MED30: variants seen among roughly 807,000 people sequenced by gnomAD.
MED30 encodes mediator of RNA polymerase II transcription subunit 30.
In MED30, 8 loss-of-function variants were observed where a neutral mutation model predicts 21.7. That is an observed-to-expected ratio of 0.37 (90% CI 0.22 to 0.67). The LOEUF (loss-of-function observed/expected upper bound fraction) is 0.67. MED30 is among the 30% of genes least tolerant of loss of function. MED30 has a pLI of 0.58. For missense variants in MED30, 203 were observed against 228.2 expected (o/e 0.89, Z 0.71); for synonymous variants, 79 against 86.7 (o/e 0.91, Z 0.49).
Position 117,528,792 on chromosome 8 carries a change from G to C in MED30, c.319G>C (p.Asp107His), listed in dbSNP as rs34260483. 4,257 of 1,602,868 alleles carry C rather than the reference G, an allele frequency of 2.7e-3. 12 individuals carry two copies. Among genetic ancestry groups the C allele is most frequent in the Non-Finnish European group, 3.2e-3 (3,804 of 1,175,628 alleles). ...DKCNENCGGMDPIPVEQLIPY... is the reference protein window; with the variant it reads ...DKCNENCGGMHPIPVEQLIPY... ...ATGCAATGAAAACTGTGGTGGGATG[G>C]ATCCCATTCCAGTCGAGGTAATTTT... The change falls in exon 2 of 4, where the codon GAT becomes CAT. Residue 107 changes from aspartate (D) to histidine (H), a missense_variant. Asp to His is a moderately conservative substitution (Grantham distance 81). Coordinates refer to ENST00000297347, the MANE Select transcript of MED30 (RefSeq NM_080651.4).
chr8:117,535,864 T>C (rs1818871151), intron 3 of MED30, among the ~76,000 whole-genome samples: 1 of 152,140 alleles, frequency 6.6e-6, no homozygotes, highest in Non-Finnish European at 1.5e-5. Context: ...CCTATTATGG[T>C]ATGGAGTATA....
chr8:117,529,564 G>A (rs959202072), intron 2 of MED30, among the ~76,000 whole-genome samples: 3 of 151,972 alleles, frequency 2.0e-5, no homozygotes, highest in African/African-American at 7.2e-5. Context: ...TGAAATGATA[G>A]CAGCGTGAAG....
Position 117,528,667 on chromosome 8 carries a change from C to T in MED30, c.194C>T (p.Thr65Ile). 6.3e-7 allele frequency: 1 copy of T among 1,587,858 alleles called. No individual in the cohort carries two copies. Among genetic ancestry groups the T allele is most frequent in the Non-Finnish European group, 8.5e-7 (1 of 1,170,506 alleles). ...CCTGATAAGCTGCCAAATGGTGTCA[C>T]TTACCACACTGGAACATATCAAGAC... Reference protein sequence around the residue: ...LRNMQLPNGVTYHTGTYQDRL... With the variant: ...LRNMQLPNGVIYHTGTYQDRL... Residue 65 changes from threonine (T) to isoleucine (I), a missense_variant, in exon 2 of 4, where the codon ACT becomes ATT. By Grantham distance (89) the Thr-to-Ile change is moderately conservative. Transcript: ENST00000297347.
At chr8:117,536,016 T>G (rs1277394354) in intron 3 of MED30, among the ~76,000 whole-genome samples, 1 of 152,206 alleles carries the variant, frequency 6.6e-6, no homozygotes, top group Non-Finnish European at 1.5e-5. Flanking sequence ...TTGTAGGTTT[T>G]GGGAGAAGCT....
intron 1 of MED30, among the ~76,000 whole-genome samples, chr8:117,524,815 C>T (rs933052146): frequency 8.5e-5 from 13 of 152,054 alleles, no homozygotes; most frequent in African/African-American, 2.7e-4. Context: ...GTTTCATTTT[C>T]GCCTTTTTTG....
chr8:117,524,916 T>C (rs1035493294), intron 1 of MED30, among the ~76,000 whole-genome samples: 12 of 152,192 alleles, frequency 7.9e-5, no homozygotes, highest in Non-Finnish European at 1.5e-4. Flanking sequence ...ATACAGAAAA[T>C]ACTCCCTTAT....
intron 3 of MED30, among the ~76,000 whole-genome samples, chr8:117,537,279 T>C (rs973418638): frequency 6.6e-6 from 1 of 152,214 alleles, no homozygotes; most frequent in Non-Finnish European, 1.5e-5. Flanking sequence ...ATGTACAAAA[T>C]TGGGCACAGC....
chr8:117,523,572 G>A, intron 1 of MED30: 1 of 1,601,886 alleles, frequency 6.2e-7, no homozygotes, highest in Non-Finnish European at 8.5e-7. Flanking sequence ...AATGTCTCCA[G>A]GCAAACTGTT....
rs186506589 is a variant in MED30 at position 117,540,082 on chromosome 8, A to G, written c.*104A>G. ...TTATTTATCTGCTTTTATTTTAGTC[A>G]CTAAAACTAAAGTTTTTATTTTTAC... On this transcript the variant is annotated 3_prime_UTR_variant, in exon 4 of 4. Transcript: ENST00000297347. 2.4e-4 allele frequency: 131 copies of G among 553,258 alleles called. No individual in the cohort carries two copies. The East Asian group carries it at 4.2e-3, about 18-fold the overall frequency. 34.3% of individuals were successfully genotyped at this position (553,258 alleles called of 1,614,324 possible).
At chr8:117,537,968 C>T (rs1818909820) in intron 3 of MED30, among the ~76,000 whole-genome samples, 1 of 152,156 alleles carries the variant, frequency 6.6e-6, no homozygotes. Flanking sequence ...AGATTGCCAG[C>T]CTCCCAATAT....
In MED30 at chr8:117,520,787, C is replaced by T; in HGVS notation, c.-90C>T. On this transcript the variant is annotated 5_prime_UTR_variant, in exon 1 of 4. Transcript: ENST00000297347. ...CCGCGGGGGGTCTCTCAAGCTGGTT[C>T]CAACGCTGAGGCCCCACAGCCTCCC... 7.5e-7 allele frequency: 1 copy of T among 1,336,904 alleles called. No homozygotes were observed. The highest frequency in any genetic ancestry group is 9.9e-7 in the Non-Finnish European group (1 of 1,005,716). The allele number at this position is 1,336,904 out of a possible 1,614,324, so 82.8% of individuals were successfully genotyped here.
intron 3 of MED30, among the ~76,000 whole-genome samples, chr8:117,532,687 A>G (rs979985811): frequency 1.1e-4 from 17 of 152,120 alleles, no homozygotes; most frequent in African/African-American, 3.1e-4. Context: ...AAGGAAAAAG[A>G]TGGATAGATT....
In MED30 at chr8:117,520,902, C is replaced by T. The variant is rs1277415365; in HGVS notation, c.26C>T (p.Ser9Leu). 1 of 1,606,392 alleles carries T rather than the reference C, an allele frequency of 6.2e-7. No homozygotes were observed. The highest frequency in any genetic ancestry group is 8.5e-7 in the Non-Finnish European group (1 of 1,176,822). MSTPPLAA[S>L]GMAPGPFAGP... ...ATGTCCACCCCTCCGTTGGCCGCGT[C>T]GGGGATGGCGCCCGGGCCCTTCGCC... Residue 9 changes from serine (S) to leucine (L), a missense_variant, in exon 1 of 4, where the codon TCG becomes TTG. Ser to Leu is a moderately radical substitution (Grantham distance 145). Transcript: ENST00000297347.
chr8:117,534,850 G>GTTTTTTTT (rs3040827), intron 3 of MED30, among the ~76,000 whole-genome samples: 2,136 of 120,896 alleles, frequency 0.018, 56 homozygotes, highest in African/African-American at 0.032. Context: ...CAAACAAATT[G>GTTTTTTTT]TTTTTTTTTT....
intron 2 of MED30, among the ~76,000 whole-genome samples, chr8:117,529,277 C>T (rs1666876716): frequency 6.6e-6 from 1 of 151,796 alleles, no homozygotes; most frequent in South Asian, 2.1e-4. Flanking sequence ...AATCTTGGGT[C>T]ATACCTATTT....
At chr8:117,539,247 A>T (rs1298125410) in intron 3 of MED30, among the ~76,000 whole-genome samples, 1 of 152,204 alleles carries the variant, frequency 6.6e-6, no homozygotes, top group Non-Finnish European at 1.5e-5. Context: ...TAATCCCAGC[A>T]CTTTGGGAGG....
intron 1 of MED30, chr8:117,523,641 C>T: frequency 6.3e-7 from 1 of 1,598,094 alleles, no homozygotes; most frequent in Non-Finnish European, 8.6e-7. Flanking sequence ...GAAGGTTGGA[C>T]ACATTCTTGT....
intron 3 of MED30, 144 bp downstream of exon 3, chr8:117,530,971 C>A: frequency 1.6e-6 from 1 of 627,634 alleles, no homozygotes; most frequent in Non-Finnish European, 2.7e-6. Context: ...TAGAATACAG[C>A]CAAGAAATGA....
In MED30 at chr8:117,528,811, T is replaced by C; in HGVS notation, c.336+2T>C. The C allele has an allele frequency of 6.3e-7, 1 of 1,593,002 alleles. No individual in the cohort carries two copies. Among genetic ancestry groups the C allele is most frequent in the South Asian group, 1.1e-5 (1 of 87,656 alleles). ...GGGATGGATCCCATTCCAGTCGAGG[T>C]AATTTTTTGTGATAGAGGGAGGATG... On this transcript the variant is annotated splice_donor_variant, in intron 2 of 3. Coordinates refer to ENST00000297347, the MANE Select transcript of MED30 (RefSeq NM_080651.4). LOFTEE classifies it high-confidence loss of function.
Sources: allele counts gnomAD v4.1 joint callset (sites outside exome capture counted in the v4.1 genomes callset), GRCh38; gene constraint gnomAD v4.1.1; transcripts MANE v1.5; gene names NCBI Gene and HGNC (gene_info 2026-07-23, HGNC 2026-07-21).